SGCD: variants seen among roughly 807,000 people sequenced by gnomAD.
The protein encoded by SGCD is delta-sarcoglycan.
In SGCD, 18 loss-of-function variants were observed where a neutral mutation model predicts 36.6. The ratio of observed to expected loss-of-function variants is 0.49; its 90% CI spans 0.34 to 0.73. SGCD has a LOEUF of 0.73. SGCD is among the 30% of genes least tolerant of loss of function. The pLI is 0.01. For missense variants in SGCD, 387 were observed against 346.7 expected, an observed-to-expected ratio of 1.12 and a Z score of -0.92; for synonymous variants, 133 against 130.6, an observed-to-expected ratio of 1.02 and a Z score of -0.12.
At chr5:156,748,722 A>AACAACTGAAGAACACATTCTC (rs1394444672) in intron 7 of SGCD, among the ~76,000 whole-genome samples, 3 of 152,244 alleles carry the variant, frequency 2.0e-5, no homozygotes, top group Non-Finnish European at 4.4e-5. Context: ...ATATGGCACC[A>AACAACTGAAGAACACATTCTC]ACAACTGAAG....
intron 1 of SGCD, among the ~76,000 whole-genome samples, chr5:156,005,729 C>T (rs1259706808): frequency 1.3e-5 from 2 of 152,162 alleles, no homozygotes; most frequent in Non-Finnish European, 2.9e-5. Context: ...GGATTACAGG[C>T]GTGAGCCACC....
chr5:156,462,188 A>G (rs1456610921), intron 3 of SGCD, among the ~76,000 whole-genome samples: 1 of 149,872 alleles, frequency 6.7e-6, no homozygotes, highest in Admixed American at 6.7e-5. Flanking sequence ...TGGCCCAGGA[A>G]TCCACAGCCA....
At chr5:156,052,959 G>T (rs563828025) in intron 1 of SGCD, among the ~76,000 whole-genome samples, 2 of 146,142 alleles carry the variant, frequency 1.4e-5, no homozygotes, top group East Asian at 3.9e-4. Flanking sequence ...CCAATGTGTT[G>T]TGCCCCCCTG....
chr5:155,946,382 G>A (rs1484753026), intron 1 of SGCD, among the ~76,000 whole-genome samples: 1 of 152,106 alleles, frequency 6.6e-6, no homozygotes, highest in African/African-American at 2.4e-5. Context: ...GACTGAATTT[G>A]AAACCAGATC....
chr5:155,743,086 T>A, the SGCD span, among the ~76,000 whole-genome samples: 1 of 152,182 alleles, frequency 6.6e-6, no homozygotes, highest in Non-Finnish European at 1.5e-5. Context: ...CTGAACCTAG[T>A]CCTTTTGGAA....
intron 7 of SGCD, among the ~76,000 whole-genome samples, chr5:156,673,489 C>G (rs1753386861): frequency 6.6e-6 from 1 of 152,168 alleles, no homozygotes; most frequent in Non-Finnish European, 1.5e-5. Context: ...CCCAGTTATA[C>G]CTTTCATTGC....
chr5:156,104,184 G>T (rs1761588299), intron 1 of SGCD, among the ~76,000 whole-genome samples: 1 of 152,052 alleles, frequency 6.6e-6, no homozygotes, highest in African/African-American at 2.4e-5. Flanking sequence ...TAAAGAATTT[G>T]TAAGACTCTT....
chr5:156,231,640 T>G (rs1167157874), intron 3 of SGCD, among the ~76,000 whole-genome samples: 1 of 152,180 alleles, frequency 6.6e-6, no homozygotes, highest in African/African-American at 2.4e-5. Flanking sequence ...GATGAGCCAC[T>G]CAGGTTATCT....
intron 3 of SGCD, among the ~76,000 whole-genome samples, chr5:156,283,964 T>C (rs1215113408): frequency 6.6e-6 from 1 of 152,208 alleles, no homozygotes. Flanking sequence ...AGCTTTGCTT[T>C]CTTGAATTGT....
intron 1 of SGCD, among the ~76,000 whole-genome samples, chr5:156,050,949 C>G (rs1001604620): frequency 6.8e-6 from 1 of 146,510 alleles, no homozygotes; most frequent in African/African-American, 2.5e-5. Flanking sequence ...AATGTTATCA[C>G]ATTGCTAAGT....
chr5:155,986,757 A>G (rs932408091), intron 1 of SGCD, among the ~76,000 whole-genome samples: 9 of 152,138 alleles, frequency 5.9e-5, no homozygotes, highest in Admixed American at 5.9e-4. Flanking sequence ...CTGTTTCTTC[A>G]GAGGTTATGC....
rs150525657 is a variant in SGCD, at chr5:156,381,330, G to T, written c.192+36653G>T. On this transcript the variant is annotated intron_variant, in intron 3 of 8. Coordinates refer to ENST00000337851, the MANE Select transcript of SGCD (RefSeq NM_000337.6). The stretch of plus-strand genomic sequence containing the variant: ...TAAAAGGAAACGTAAGGCTGCTGAT[G>T]CAGAGAATGGGTGTCCTCTGCGAAT... Among the ~76,000 whole-genome samples the T allele has an allele frequency of 4.2e-4, 64 of 152,346 alleles. No individual in the cohort carries two copies. The East Asian group carries it at 0.011, about 27-fold the overall frequency.
chr5:155,988,080 A>T (rs1034033360), intron 1 of SGCD, among the ~76,000 whole-genome samples: 19 of 152,224 alleles, frequency 1.2e-4, no homozygotes, highest in African/African-American at 4.6e-4. Flanking sequence ...TTCCACAGCC[A>T]GTCAGTGGCA....
intron 3 of SGCD, among the ~76,000 whole-genome samples, chr5:156,396,580 T>A (rs537676258): frequency 3.0e-4 from 46 of 152,256 alleles, no homozygotes; most frequent in Non-Finnish European, 6.2e-4. Flanking sequence ...TTGGTTAATA[T>A]GTTTTGAGTG....
the SGCD span, among the ~76,000 whole-genome samples, chr5:155,803,236 T>C: frequency 1.3e-5 from 2 of 152,178 alleles, no homozygotes; most frequent in African/African-American, 2.4e-5. Flanking sequence ...ATTCATTACA[T>C]GGGCAATGGA....
intron 3 of SGCD, among the ~76,000 whole-genome samples, chr5:156,372,127 G>T (rs1770417550): frequency 6.6e-6 from 1 of 152,188 alleles, no homozygotes; most frequent in Non-Finnish European, 1.5e-5. Context: ...TGGTGAATTT[G>T]CAGTTTCTAC....
chr5:156,049,681 A>G lies in SGCD; in HGVS notation c.-281-68197A>G, dbSNP rs540249603. On this transcript the variant is annotated intron_variant, in intron 1 of 9. Transcript: ENST00000517913. ...TCATTGATGGATTTGAGCAAAGTAC[A>G]TTGAAAACCTTCTGGAATGGATTCA... Among the ~76,000 whole-genome samples, 68 of 146,892 alleles carry G rather than the reference A, an allele frequency of 4.6e-4. 8 individuals are homozygous for G. The South Asian group carries it at 0.012, about 27-fold the overall frequency.
chr5:156,174,907 T>A (rs1262990930), intron 3 of SGCD, among the ~76,000 whole-genome samples: 1 of 152,202 alleles, frequency 6.6e-6, no homozygotes, highest in Non-Finnish European at 1.5e-5. Flanking sequence ...GATGATAAGT[T>A]ATAACTGAAA....
intron 3 of SGCD, among the ~76,000 whole-genome samples, chr5:156,488,078 A>C (rs1231722540): frequency 7.0e-6 from 1 of 143,668 alleles, no homozygotes; most frequent in Non-Finnish European, 1.5e-5. Context: ...AGAAGAAAGA[A>C]CTTCTGAACT....
Sources: allele counts gnomAD v4.1 joint callset (sites outside exome capture counted in the v4.1 genomes callset), GRCh38; gene constraint gnomAD v4.1.1; transcripts MANE v1.5; gene names NCBI Gene and HGNC (gene_info 2026-07-23, HGNC 2026-07-21).